ACOX2: variants seen among roughly 807,000 people sequenced by gnomAD.
ACOX2 encodes peroxisomal acyl-coenzyme A oxidase 2.
A neutral mutation model predicts 77.5 loss-of-function variants in ACOX2; 59 were observed. The observed-to-expected ratio is 0.76, with a 90% CI of 0.62 to 0.95. The LOEUF (loss-of-function observed/expected upper bound fraction) is 0.95, where lower values mean the gene tolerates loss of function less well. ACOX2 is among the 40% of genes least tolerant of loss of function. The pLI is 0.00. For missense variants in ACOX2, 837 were observed against 880.4 expected (o/e 0.95, Z 0.62); for synonymous variants, 317 against 340.1 (o/e 0.93, Z 0.75).
intron 8 of ACOX2, among the ~76,000 whole-genome samples, chr3:58,530,023 T>A (rs2063425158): frequency 6.6e-6 from 1 of 152,198 alleles, no homozygotes; most frequent in Admixed American, 6.5e-5. Context: ...ACACAGTCGA[T>A]ATGATATTGG....
intron 13 of ACOX2, 42 bp from the exon 14 acceptor site, chr3:58,509,067 C>A: frequency 6.2e-7 from 1 of 1,604,388 alleles, no homozygotes; most frequent in South Asian, 1.1e-5. Flanking sequence ...TTAGATTGCT[C>A]TTATGAATCA....
At position 58,533,748 on chromosome 3, in the gene ACOX2, A is replaced by T. The variant is rs917568130; in HGVS notation, c.476-196T>A. On this transcript the variant is annotated intron_variant, in intron 4 of 14. Transcript: ENST00000302819. The surrounding 1 kb of genome is among the most constrained non-coding windows in gnomAD (Gnocchi z 5.6). Reference sequence around the variant, plus strand: ...ACACACAGTCCCCTATAGCCAGTCCATGAGAAGGGGTGGCTGCTGATGTTT... The same window carrying T: ...ACACACAGTCCCCTATAGCCAGTCCTTGAGAAGGGGTGGCTGCTGATGTTT... The T allele has an allele frequency of 4.5e-6, 3 of 668,704 alleles. No homozygotes were observed. Among genetic ancestry groups the T allele is most frequent in the Non-Finnish European group, 5.1e-6 (2 of 395,226 alleles). The allele number at this position is 668,704 out of a possible 1,614,324, so 41.4% of individuals were successfully genotyped here.
chr3:58,524,622 G>A lies in ACOX2; in HGVS notation c.1347-17C>T, dbSNP rs769851155. 1.9e-6 allele frequency: 3 copies of A among 1,612,138 alleles called. No individual in the cohort carries two copies. The highest frequency in any genetic ancestry group is 2.5e-6 in the Non-Finnish European group (3 of 1,179,538). ...ACCAGGAACCTGGGGGTTGGAAGAG[G>A]AGGCAGGTGAGAGGGCAGAGACTCT... On this transcript the variant is annotated splice_polypyrimidine_tract_variant and intron_variant, in intron 10 of 14. Transcript: ENST00000302819. The surrounding 1 kb of genome is among the most constrained non-coding windows in gnomAD (Gnocchi z 5.5).
intron 12 of ACOX2, among the ~76,000 whole-genome samples, 173 bp from the exon 13 acceptor site, chr3:58,517,596 T>G: frequency 7.7e-6 from 1 of 129,106 alleles, no homozygotes; most frequent in African/African-American, 2.9e-5. Context: ...GTTTTGATGT[T>G]GTGTATATGT....
intron 8 of ACOX2, among the ~76,000 whole-genome samples, chr3:58,530,212 C>G (rs1174027624): frequency 3.9e-5 from 6 of 152,246 alleles, no homozygotes; most frequent in Admixed American, 1.3e-4. Flanking sequence ...TCACATAGAG[C>G]CCGATGGGGG....
At chr3:58,508,618 G>A (rs1236410055) in intron 14 of ACOX2, among the ~76,000 whole-genome samples, 1 of 152,178 alleles carries the variant, frequency 6.6e-6, no homozygotes, top group African/African-American at 2.4e-5. Flanking sequence ...GGTCTGTCAA[G>A]CCATGATTTA....
intron 9 of ACOX2, among the ~76,000 whole-genome samples, chr3:58,527,222 T>C (rs939741437): frequency 1.1e-4 from 17 of 152,050 alleles, no homozygotes; most frequent in Admixed American, 3.3e-4. Flanking sequence ...GCCTCATGAA[T>C]GGGATCAGTG....
intron 13 of ACOX2, 29 bp from the exon 14 acceptor site, chr3:58,509,054 A>G: frequency 6.2e-7 from 1 of 1,611,922 alleles, no homozygotes; most frequent in Non-Finnish European, 8.5e-7. Flanking sequence ...GTTTGTAAGT[A>G]TTTTAGATTG....
chr3:58,534,767 T>C lies in ACOX2; in HGVS notation c.160+180A>G. 1.5e-6 allele frequency: 2 copies of C among 1,337,252 alleles called. No individual in the cohort carries two copies. The highest frequency in any genetic ancestry group is 2.1e-6 in the Non-Finnish European group (2 of 953,992). 82.8% of individuals were successfully genotyped at this position (1,337,252 alleles called of 1,614,324 possible). A position where few individuals can be genotyped will look rare whatever the true frequency, so the allele number is the denominator to read the frequency against. On this transcript the variant is annotated intron_variant, in intron 2 of 14. Coordinates refer to ENST00000302819, the MANE Select transcript of ACOX2 (RefSeq NM_003500.4). The surrounding 1 kb of genome is among the most constrained non-coding windows in gnomAD (Gnocchi z 4.8). ...GCCTAGGACTCTTCTATCCCCTAGG[T>C]GGGCTCAGGCAATATTGACATGTGA...
intron 14 of ACOX2, among the ~76,000 whole-genome samples, chr3:58,508,296 G>T (rs2063249013): frequency 1.3e-5 from 2 of 152,044 alleles, no homozygotes; most frequent in Non-Finnish European, 2.9e-5. Context: ...GGATGGCTGG[G>T]GATTTTTTTG....
Position 58,517,191 on chromosome 3 carries a change from G to A in ACOX2, c.1850+15C>T. On this transcript the variant is annotated intron_variant, in intron 13 of 14. Coordinates refer to ENST00000302819, the MANE Select transcript of ACOX2 (RefSeq NM_003500.4). ...TCTCTGAAGACTAACATGGTTTGAA[G>A]TCTCTGCCACTCACCGGATCAGGCG... The A allele has an allele frequency of 6.2e-7, 1 of 1,612,358 alleles. No homozygotes were observed. The highest frequency in any genetic ancestry group is 8.5e-7 in the Non-Finnish European group (1 of 1,179,176).
chr3:58,517,048 T>C (rs73838027), intron 13 of ACOX2, among the ~76,000 whole-genome samples, 158 bp downstream of exon 13: 1,540 of 152,346 alleles, frequency 0.01, 32 homozygotes, highest in African/African-American at 0.035. Flanking sequence ...CATTAATTCA[T>C]AATGCTTTAT....
At chr3:58,509,731 G>A (rs923328837) in intron 13 of ACOX2, among the ~76,000 whole-genome samples, 4 of 145,550 alleles carry the variant, frequency 2.7e-5, no homozygotes, top group African/African-American at 7.7e-5. Context: ...TCAACCTCCC[G>A]AGTAGTTGGG....
rs762706007 is a variant in ACOX2, at chr3:58,531,769, G to T, written c.627C>A (p.Ile209=). 6.2e-7 allele frequency: 1 copy of T among 1,614,192 alleles called. No homozygotes were observed. The highest frequency in any genetic ancestry group is 1.7e-5 in the Admixed American group (1 of 60,028). Residue 209 remains isoleucine (I), a synonymous_variant, in exon 6 of 15, where the codon ATC becomes ATA. Coordinates refer to ENST00000302819, the MANE Select transcript of ACOX2 (RefSeq NM_003500.4). The surrounding 1 kb of genome is among the most constrained non-coding windows in gnomAD (Gnocchi z 5.8). ...ATHALVQAQL[I]CSGARRGMHA... Reference sequence around the variant, plus strand: ...GCATGCCCCGCCTGGCTCCTGAGCAGATCAGCTGGGCCTGGACCAGGGCAT... The same window carrying T: ...GCATGCCCCGCCTGGCTCCTGAGCATATCAGCTGGGCCTGGACCAGGGCAT...
intron 14 of ACOX2, 67 bp downstream of exon 14, chr3:58,508,826 A>C (rs749658695): frequency 1.3e-6 from 2 of 1,578,616 alleles, no homozygotes; most frequent in East Asian, 4.5e-5. Flanking sequence ...ATGGGAGAAC[A>C]TGAAGGTGTA....
rs759799333 is a variant in ACOX2, at chr3:58,531,267, A to G, written c.803T>C (p.Leu268Pro). ...NHVRVPRENM[L>P]SRFAQVLPDG... ...ATCTGTAACCTGTGCAAAGCGACTC[A>G]GCATGTTCTCCCTGGGGACCCGCAC... The change falls in exon 7 of 15, where the codon CTG (leucine) becomes CCG (proline). Residue 268 changes from leucine (L) to proline (P), a missense_variant. By Grantham distance (98) the Leu-to-Pro change is moderately conservative. Coordinates refer to ENST00000302819, the MANE Select transcript of ACOX2 (RefSeq NM_003500.4). The surrounding 1 kb of genome is among the most constrained non-coding windows in gnomAD (Gnocchi z 5.8). 6.2e-7 allele frequency: 1 copy of G among 1,612,916 alleles called. No individual in the cohort carries two copies. Among genetic ancestry groups the G allele is most frequent in the East Asian group, 2.2e-5 (1 of 44,860 alleles).
At position 58,514,799 on chromosome 3, in the gene ACOX2, G is replaced by T. The variant is rs1351675096; in HGVS notation, c.1850+2407C>A. On this transcript the variant is annotated intron_variant, in intron 13 of 14. Transcript: ENST00000302819. The surrounding 1 kb of genome is among the most constrained non-coding windows in gnomAD (Gnocchi z 4.3). Reference sequence around the variant, plus strand: ...TTATAGGGTGTTAAGGTAATCTTTTGTATTTTATCATCACTGACAACCGGG... The same window carrying T: ...TTATAGGGTGTTAAGGTAATCTTTTTTATTTTATCATCACTGACAACCGGG... Among the ~76,000 whole-genome samples the T allele has an allele frequency of 1.3e-5, 2 of 152,162 alleles. No individual in the cohort carries two copies. The highest frequency in any genetic ancestry group is 2.4e-5 in the African/African-American group (1 of 41,442).
chr3:58,532,792 A>G (rs2063450477), intron 5 of ACOX2, among the ~76,000 whole-genome samples: 1 of 151,782 alleles, frequency 6.6e-6, no homozygotes, highest in East Asian at 1.9e-4. Flanking sequence ...ATTTGTTTTA[A>G]TTTTTTCCAC....
chr3:58,530,834 C>T (rs956144591), intron 7 of ACOX2, among the ~76,000 whole-genome samples, 196 bp from the exon 8 acceptor site: 11 of 152,318 alleles, frequency 7.2e-5, no homozygotes, highest in African/African-American at 2.6e-4. Context: ...CACCCCGGAC[C>T]TCCCCACGAC....
Sources: allele counts gnomAD v4.1 joint callset (sites outside exome capture counted in the v4.1 genomes callset), GRCh38; gene constraint gnomAD v4.1.1; non-coding constraint Gnocchi (gnomAD v3.1); transcripts MANE v1.5; gene names NCBI Gene and HGNC (gene_info 2026-07-23, HGNC 2026-07-21).